Variants in DPP10 observed in about 807,000 individuals in gnomAD.
The protein encoded by DPP10 is dipeptidyl peptidase like 10, also known as inactive dipeptidyl peptidase 10.
A neutral mutation model predicts 120.9 loss-of-function variants in DPP10; 33 were observed. The observed-to-expected ratio is 0.27, with a 90% CI of 0.21 to 0.37. The LOEUF (loss-of-function observed/expected upper bound fraction) is 0.37. DPP10 is among the 10% of genes least tolerant of loss of function. DPP10 has a pLI of 1.00. For missense variants in DPP10, 816 were observed against 942.8 expected, an observed-to-expected ratio of 0.87 and a Z score of 1.76; for synonymous variants, 337 against 326.1, an observed-to-expected ratio of 1.03 and a Z score of -0.36.
chr2:115,450,809 A>G (rs1232002434), intron 3 of DPP10, among the ~76,000 whole-genome samples: 1 of 151,958 alleles, frequency 6.6e-6, no homozygotes, highest in Non-Finnish European at 1.5e-5. Flanking sequence ...TAAGTTATCT[A>G]CATATATCTC....
rs78989662 is a variant in DPP10, at chr2:114,630,865, A to G, written c.60+188027A>G. On this transcript the variant is annotated intron_variant, in intron 1 of 25. Transcript: ENST00000410059. Reference sequence around the variant, plus strand: ...TCCCTACCATGTGGGAGGGATGAAGATGCTTCTCCCTGATTTCAAGTCTAA... The same window carrying G: ...TCCCTACCATGTGGGAGGGATGAAGGTGCTTCTCCCTGATTTCAAGTCTAA... 7.4e-3 allele frequency among the ~76,000 whole-genome samples: 1,122 copies of G among 152,106 alleles called. 11 individuals carry two copies. The highest frequency in any genetic ancestry group is 0.026 in the African/African-American group (1,065 of 41,474).
chr2:115,021,071 A>C (rs1703037111), intron 1 of DPP10, among the ~76,000 whole-genome samples: 1 of 152,106 alleles, frequency 6.6e-6, no homozygotes. Flanking sequence ...AAAGTCTGAA[A>C]GAGCACAAAT....
chr2:114,563,722 A>AT (rs1026608871), intron 1 of DPP10, among the ~76,000 whole-genome samples: 1 of 152,008 alleles, frequency 6.6e-6, no homozygotes, highest in African/African-American at 2.4e-5. Flanking sequence ...CATTGGCTCC[A>AT]TTTTTTTTAA....
intron 10 of DPP10, among the ~76,000 whole-genome samples, chr2:115,748,071 T>C (rs192562923): frequency 3.2e-4 from 48 of 152,228 alleles, no homozygotes; most frequent in African/African-American, 1.1e-3. Flanking sequence ...ATAACATACT[T>C]TCTTCATGTC....
At chr2:115,642,834 G>A (rs1265544722) in intron 5 of DPP10, among the ~76,000 whole-genome samples, 1 of 151,864 alleles carries the variant, frequency 6.6e-6, no homozygotes, top group Non-Finnish European at 1.5e-5. Context: ...ATACTATATT[G>A]TAGTTTAAAC....
rs58779973 is a variant in DPP10, at chr2:115,679,194, T to TGGG, written c.442-10487_442-10485dup. Among the ~76,000 whole-genome samples the TGGG allele has an allele frequency of 7.2e-4, 109 of 151,052 alleles. 2 individuals carry two copies. The highest frequency in any genetic ancestry group is 2.6e-3 in the African/African-American group (105 of 40,906). On this transcript the variant is annotated intron_variant, in intron 5 of 25. Coordinates refer to ENST00000410059, the MANE Select transcript of DPP10 (RefSeq NM_020868.6). ...TTTTAAAATGTGAGGACATGAGATG[T>TGGG]GGGGGGGGTGCATGGGTGGAATGAT...
chr2:115,069,812 G>A (rs1026629123), intron 1 of DPP10, among the ~76,000 whole-genome samples: 3 of 151,070 alleles, frequency 2.0e-5, no homozygotes, highest in Admixed American at 6.6e-5. Flanking sequence ...TGGTGAGTGA[G>A]CATAATAATC....
intron 1 of DPP10, among the ~76,000 whole-genome samples, chr2:114,994,312 G>A (rs755439833): frequency 5.9e-5 from 9 of 152,166 alleles, no homozygotes; most frequent in Non-Finnish European, 1.0e-4. Context: ...CAAATTACAT[G>A]AGAAATTTAC....
At chr2:114,844,709 C>T (rs1029360077) in intron 1 of DPP10, among the ~76,000 whole-genome samples, 4 of 151,270 alleles carry the variant, frequency 2.6e-5, no homozygotes, top group African/African-American at 9.7e-5. Flanking sequence ...AGCAATATTC[C>T]TTTTTTTTCT....
At chr2:114,903,324 T>C (rs1030028450) in intron 1 of DPP10, among the ~76,000 whole-genome samples, 2 of 152,194 alleles carry the variant, frequency 1.3e-5, no homozygotes, top group Non-Finnish European at 1.5e-5. Flanking sequence ...ATGAATAATA[T>C]GGTAAATGTA....
chr2:114,815,629 A>G (rs893627573), intron 1 of DPP10, among the ~76,000 whole-genome samples: 1 of 152,220 alleles, frequency 6.6e-6, no homozygotes, highest in African/African-American at 2.4e-5. Context: ...TGACCTTCTA[A>G]CAGTGGAATT....
chr2:115,716,708 T>C (rs185593954), intron 7 of DPP10, among the ~76,000 whole-genome samples: 65 of 150,506 alleles, frequency 4.3e-4, no homozygotes, highest in African/African-American at 1.4e-3. Context: ...TGTTTCTGTA[T>C]TGCAAAAACA....
chr2:114,470,545 G>C (rs1401745219), intron 1 of DPP10, among the ~76,000 whole-genome samples: 1 of 152,078 alleles, frequency 6.6e-6, no homozygotes, highest in Admixed American at 6.5e-5. Flanking sequence ...TTTCTTTTGG[G>C]GATTGGAGAT....
intron 7 of DPP10, among the ~76,000 whole-genome samples, chr2:115,706,118 A>G (rs2092095716): frequency 6.6e-6 from 1 of 151,980 alleles, no homozygotes; most frequent in Admixed American, 6.6e-5. Context: ...CAGGAAATAC[A>G]ATGTCACATA....
At chr2:115,284,536 T>C (rs1296677162) in intron 1 of DPP10, among the ~76,000 whole-genome samples, 2 of 152,022 alleles carry the variant, frequency 1.3e-5, no homozygotes, top group Non-Finnish European at 2.9e-5. Flanking sequence ...TGAATAGATA[T>C]GTTAACAAGT....
intron 1 of DPP10, among the ~76,000 whole-genome samples, chr2:114,798,122 T>C (rs1403083715): frequency 1.3e-5 from 2 of 152,084 alleles, no homozygotes; most frequent in Non-Finnish European, 2.9e-5. Flanking sequence ...CCGAAACCAC[T>C]GAAGGCCAGC....
At chr2:115,171,504 TCCTAAATGTCACA>T (rs1192307812) in intron 1 of DPP10, among the ~76,000 whole-genome samples, 1 of 152,062 alleles carries the variant, frequency 6.6e-6, no homozygotes, top group Non-Finnish European at 1.5e-5. Context: ...AACTGTTGTT[TCCTAAATGTCACA>T]CCTTTGTATT....
At chr2:114,533,571 T>C (rs1322758636) in intron 1 of DPP10, among the ~76,000 whole-genome samples, 2 of 151,938 alleles carry the variant, frequency 1.3e-5, no homozygotes, top group Non-Finnish European at 2.9e-5. Context: ...GGCACACGTT[T>C]ACCTGTGCAA....
At chr2:115,353,186 T>A (rs1382336696) in intron 3 of DPP10, among the ~76,000 whole-genome samples, 1 of 152,004 alleles carries the variant, frequency 6.6e-6, no homozygotes, top group African/African-American at 2.4e-5. Context: ...GAGTCGTCTT[T>A]ATGGAAAAGA....
Sources: allele counts gnomAD v4.1 joint callset (sites outside exome capture counted in the v4.1 genomes callset), GRCh38; gene constraint gnomAD v4.1.1; transcripts MANE v1.5; gene names NCBI Gene and HGNC (gene_info 2026-07-23, HGNC 2026-07-21).